ARHGEF3: variants seen among roughly 807,000 people sequenced by gnomAD.
ARHGEF3 encodes the protein Rho guanine nucleotide exchange factor 3, also known as 59.8 kDA protein.
A neutral mutation model predicts 63.2 loss-of-function variants in ARHGEF3; 28 were observed. The observed-to-expected ratio is 0.44, with a 90% CI of 0.33 to 0.61. The LOEUF (loss-of-function observed/expected upper bound fraction) is 0.61, where lower values mean the gene tolerates loss of function less well. ARHGEF3 is among the 20% of genes least tolerant of loss of function. The pLI is 0.03. For missense variants in ARHGEF3, 533 were observed against 659.3 expected (o/e 0.81, Z 2.10); for synonymous variants, 266 against 254.2 (o/e 1.05, Z -0.44).
At chr3:56,894,193 C>CT (rs1203683354) in intron 3 of ARHGEF3, among the ~76,000 whole-genome samples, 1 of 152,176 alleles carries the variant, frequency 6.6e-6, no homozygotes, top group Non-Finnish European at 1.5e-5. Context: ...TGGGACAACT[C>CT]TGAGGTATGA....
chr3:56,800,496 C>A (rs17825577), intron 1 of ARHGEF3, among the ~76,000 whole-genome samples: 1 of 151,958 alleles, frequency 6.6e-6, no homozygotes, highest in Non-Finnish European at 1.5e-5. Context: ...TTGTGCTCAG[C>A]GTATAGAAAG....
chr3:56,900,208 G>T (rs369878494), intron 3 of ARHGEF3, among the ~76,000 whole-genome samples: 2 of 152,266 alleles, frequency 1.3e-5, no homozygotes, highest in East Asian at 3.9e-4. Context: ...CCCACTTTTG[G>T]ATGTGTTATA....
chr3:56,807,830 A>G (rs2037917127), intron 4 of ARHGEF3, among the ~76,000 whole-genome samples: 1 of 152,202 alleles, frequency 6.6e-6, no homozygotes, highest in Non-Finnish European at 1.5e-5. Context: ...GATTTACAAA[A>G]ATGTATCTCT....
intron 6 of ARHGEF3, 101 bp downstream of exon 6, chr3:56,750,955 G>T: frequency 2.3e-6 from 2 of 860,694 alleles, no homozygotes; most frequent in Non-Finnish European, 3.2e-6. Context: ...ACCAACATTT[G>T]TAAAAAAATA....
At chr3:56,855,465 C>T (rs1578684428) in intron 4 of ARHGEF3, among the ~76,000 whole-genome samples, 1 of 152,140 alleles carries the variant, frequency 6.6e-6, no homozygotes, top group South Asian at 2.1e-4. Flanking sequence ...AGGCAGATCA[C>T]TTGAGGTCAG....
At chr3:56,855,277 T>C (rs1349442481) in intron 4 of ARHGEF3, among the ~76,000 whole-genome samples, 2 of 152,162 alleles carry the variant, frequency 1.3e-5, no homozygotes, top group Non-Finnish European at 2.9e-5. Flanking sequence ...CTGGAGGTCT[T>C]TTCTCAAGAC....
At chr3:56,791,487 G>A (rs1292458025) in intron 1 of ARHGEF3, among the ~76,000 whole-genome samples, 1 of 152,178 alleles carries the variant, frequency 6.6e-6, no homozygotes, top group Non-Finnish European at 1.5e-5. Flanking sequence ...GTATACAGAA[G>A]TTTTTATCTA....
chr3:56,902,988 A>G (rs2041565922), intron 3 of ARHGEF3, among the ~76,000 whole-genome samples: 1 of 152,024 alleles, frequency 6.6e-6, no homozygotes, highest in Admixed American at 6.6e-5. Flanking sequence ...AAAATAAAGA[A>G]CAGTGTCCCA....
intron 2 of ARHGEF3, among the ~76,000 whole-genome samples, chr3:56,990,154 A>G (rs1701695025): frequency 6.6e-6 from 1 of 152,226 alleles, no homozygotes; most frequent in Non-Finnish European, 1.5e-5. Context: ...AAGTGCATTA[A>G]TCAGAGGGGA....
chr3:56,748,322 G>A lies in ARHGEF3; in HGVS notation c.612+2734C>T, dbSNP rs985728831. ...TGGGATTACAGACGTGAGCCACTGT[G>A]CTTGGGCCCTAGAATATTTTTATTG... is the stretch of plus-strand genomic sequence containing the variant. On this transcript the variant is annotated intron_variant, in intron 6 of 9. Transcript: ENST00000296315. Among the ~76,000 whole-genome samples the A allele has an allele frequency of 1.8e-4, 27 of 152,140 alleles. 1 individual carries two copies. The highest frequency in any genetic ancestry group is 7.2e-5 in the African/African-American group (3 of 41,422).
chr3:56,744,433 T>G (rs1025209574), intron 7 of ARHGEF3, among the ~76,000 whole-genome samples: 6 of 150,370 alleles, frequency 4.0e-5, no homozygotes, highest in African/African-American at 1.5e-4. Context: ...AGTCTCACTC[T>G]GTTGCCCAGG....
At chr3:57,071,960 G>A (rs993359611) in intron 1 of ARHGEF3, among the ~76,000 whole-genome samples, 1 of 152,034 alleles carries the variant, frequency 6.6e-6, no homozygotes, top group African/African-American at 2.4e-5. Flanking sequence ...ATAGATAAAA[G>A]ACCAAATATA....
At chr3:56,942,123 A>G (rs1699217412) in intron 3 of ARHGEF3, among the ~76,000 whole-genome samples, 1 of 152,256 alleles carries the variant, frequency 6.6e-6, no homozygotes. Context: ...TAGCTAGCAC[A>G]TTCCAAAGGC....
intron 2 of ARHGEF3, among the ~76,000 whole-genome samples, chr3:56,768,415 A>T (rs568437483): frequency 9.4e-5 from 14 of 148,866 alleles, no homozygotes; most frequent in Non-Finnish European, 1.3e-4. Flanking sequence ...AAGGTAATTT[A>T]AAAAAAAAAG....
intron 2 of ARHGEF3, among the ~76,000 whole-genome samples, chr3:56,969,986 T>C (rs936242035): frequency 1.3e-5 from 2 of 152,082 alleles, no homozygotes; most frequent in African/African-American, 2.4e-5. Flanking sequence ...ATGTCCAGAA[T>C]AGACAAATCC....
chr3:56,887,539 T>C lies in ARHGEF3; in HGVS notation c.130-5185A>G, dbSNP rs972271047. ...GCACAGTAAGTGGCAGCTCCTGTTA[T>C]GAATTGCCCACAGGAAGTAAAAAAT... On this transcript the variant is annotated intron_variant, in intron 3 of 12. Transcript: ENST00000338458. 2.0e-5 allele frequency among the ~76,000 whole-genome samples: 3 copies of C among 152,190 alleles called. 1 individual carries two copies. The highest frequency in any genetic ancestry group is 7.2e-5 in the African/African-American group (3 of 41,442).
chr3:56,800,332 A>G (rs1239072230), intron 1 of ARHGEF3, among the ~76,000 whole-genome samples: 1 of 152,212 alleles, frequency 6.6e-6, no homozygotes, highest in Non-Finnish European at 1.5e-5. Flanking sequence ...CACTGAAAAA[A>G]TATTATATCC....
At chr3:56,797,141 C>T (rs902245711) in intron 1 of ARHGEF3, among the ~76,000 whole-genome samples, 2 of 152,050 alleles carry the variant, frequency 1.3e-5, no homozygotes, top group Non-Finnish European at 2.9e-5. Context: ...TCCATTTTAC[C>T]ATTGAGGAAA....
rs146348433 is a variant in ARHGEF3, at chr3:56,846,079, T to C, written c.192+36213A>G. On this transcript the variant is annotated intron_variant, in intron 4 of 12. Transcript: ENST00000338458. ...GTCTGGTAACCCATGCTATTGAAAATGAACCCAGACTTTCCAAGGTCATTA... is the reference window on the plus strand; with the variant it reads ...GTCTGGTAACCCATGCTATTGAAAACGAACCCAGACTTTCCAAGGTCATTA... 4.3e-3 allele frequency among the ~76,000 whole-genome samples: 648 copies of C among 152,342 alleles called. 5 individuals are homozygous for C. Among genetic ancestry groups the C allele is most frequent in the Middle Eastern group, 0.014 (4 of 294 alleles).
Sources: allele counts gnomAD v4.1 joint callset (sites outside exome capture counted in the v4.1 genomes callset), GRCh38; gene constraint gnomAD v4.1.1; transcripts MANE v1.5; gene names NCBI Gene and HGNC (gene_info 2026-07-23, HGNC 2026-07-21).